Variants in INVS observed in about 807,000 individuals in gnomAD.
INVS encodes the protein inversion of embryo turning homolog.
In INVS, 86 loss-of-function variants were observed where a neutral mutation model predicts 108.8. The ratio of observed to expected loss-of-function variants is 0.79; its 90% CI spans 0.66 to 0.95. The LOEUF (loss-of-function observed/expected upper bound fraction) is 0.95, where lower values mean the gene tolerates loss of function less well. Ranked by LOEUF, INVS falls within the 40% of genes least tolerant of loss-of-function variation. The pLI is 0.00. For synonymous variants in INVS, 455 were observed against 473.5 expected (o/e 0.96, Z 0.51); for missense variants, 1,169 against 1,297.4 (o/e 0.90, Z 1.52).
intron 3 of INVS, among the ~76,000 whole-genome samples, chr9:100,222,445 G>A (rs1434343976): frequency 3.3e-5 from 5 of 152,140 alleles, no homozygotes; most frequent in African/African-American, 9.7e-5. Context: ...TTTGTAATAC[G>A]TAAAACAAAG....
At chr9:100,187,875 T>C (rs1830100264) in intron 3 of INVS, among the ~76,000 whole-genome samples, 1 of 152,164 alleles carries the variant, frequency 6.6e-6, no homozygotes, top group Admixed American at 6.6e-5. Context: ...AGATCTTTCA[T>C]CTTTCTGGTT....
intron 5 of INVS, among the ~76,000 whole-genome samples, chr9:100,232,446 G>C (rs1193467925): frequency 2.0e-5 from 3 of 152,116 alleles, no homozygotes; most frequent in Admixed American, 1.3e-4. Flanking sequence ...GTCCTGAATG[G>C]TATCGCCTAG....
intron 10 of INVS, among the ~76,000 whole-genome samples, chr9:100,254,885 G>A (rs1832364501): frequency 6.6e-6 from 1 of 152,166 alleles, no homozygotes; most frequent in African/African-American, 2.4e-5. Context: ...GCTTAGGATT[G>A]TCTTGGCAAT....
chr9:100,143,436 A>T (rs1221130198), intron 3 of INVS, among the ~76,000 whole-genome samples: 1 of 152,094 alleles, frequency 6.6e-6, no homozygotes, highest in Non-Finnish European at 1.5e-5. Flanking sequence ...GTGGGATGGG[A>T]TATTGACATT....
At chr9:100,174,372 AAGAT>A (rs1335704942) in intron 3 of INVS, among the ~76,000 whole-genome samples, 1 of 152,152 alleles carries the variant, frequency 6.6e-6, no homozygotes, top group Non-Finnish European at 1.5e-5. Flanking sequence ...AGTGAACTTA[AAGAT>A]AGATCAATAG....
intron 2 of INVS, among the ~76,000 whole-genome samples, chr9:100,125,831 G>A (rs902517583): frequency 1.8e-4 from 27 of 151,828 alleles, no homozygotes; most frequent in East Asian, 1.9e-4. Context: ...GATTACAGGC[G>A]CCCGCCACCA....
chr9:100,285,882 C>G (rs978352898), intron 13 of INVS, among the ~76,000 whole-genome samples: 28 of 152,194 alleles, frequency 1.8e-4, no homozygotes, highest in African/African-American at 6.3e-4. Flanking sequence ...TTTAAACACA[C>G]TGAGCTACTC....
chr9:100,236,830 C>T (rs1409408119), intron 5 of INVS, among the ~76,000 whole-genome samples: 2 of 152,212 alleles, frequency 1.3e-5, no homozygotes, highest in African/African-American at 4.8e-5. Context: ...TGAGGAGGCA[C>T]AGGAGTCAGG....
chr9:100,205,381 A>C (rs1363214987), intron 3 of INVS, among the ~76,000 whole-genome samples: 2 of 152,100 alleles, frequency 1.3e-5, no homozygotes, highest in African/African-American at 4.8e-5. Flanking sequence ...TTCTACTTGC[A>C]AGGCTATGGC....
chr9:100,165,947 A>G (rs565101942), intron 3 of INVS, among the ~76,000 whole-genome samples: 1 of 152,288 alleles, frequency 6.6e-6, no homozygotes, highest in African/African-American at 2.4e-5. Flanking sequence ...CACTGCTACC[A>G]GGTTGGTGAT....
Position 100,300,889 on chromosome 9 carries a change from A to G in INVS, c.*215A>G. 1.7e-6 allele frequency: 1 copy of G among 593,942 alleles called. No individual in the cohort carries two copies. The highest frequency in any genetic ancestry group is 1.9e-5 in the South Asian group (1 of 51,630). 36.8% of individuals were successfully genotyped at this position (593,942 alleles called of 1,614,324 possible). ...TGTCAATCAACACAGCCTGCACTGA[A>G]AGGACCTGCATAGACTATGTCTGTG... On this transcript the variant is annotated 3_prime_UTR_variant, in exon 17 of 17. Transcript: ENST00000262457.
At chr9:100,161,559 GA>G (rs1238673344) in intron 3 of INVS, among the ~76,000 whole-genome samples, 3 of 151,998 alleles carry the variant, frequency 2.0e-5, no homozygotes, top group Non-Finnish European at 4.4e-5. Flanking sequence ...AGTTTACAAA[GA>G]ACATAATTGG....
chr9:100,273,670 T>C (rs1418687161), intron 12 of INVS, among the ~76,000 whole-genome samples: 1 of 151,148 alleles, frequency 6.6e-6, no homozygotes, highest in Non-Finnish European at 1.5e-5. Flanking sequence ...CCCGAGTAGC[T>C]GGGACTACAG....
intron 3 of INVS, among the ~76,000 whole-genome samples, chr9:100,194,758 G>A (rs908249792): frequency 6.6e-6 from 1 of 152,148 alleles, no homozygotes; most frequent in Non-Finnish European, 1.5e-5. Flanking sequence ...AATGTAGGGG[G>A]AAGCTACTAC....
At chr9:100,187,536 T>TC (rs1830090224) in intron 3 of INVS, among the ~76,000 whole-genome samples, 1 of 144,966 alleles carries the variant, frequency 6.9e-6, no homozygotes, top group Non-Finnish European at 1.5e-5. Context: ...TTTTTTTTTT[T>TC]TTTTTTTTGA....
At chr9:100,212,811 C>A (rs1830872183) in intron 3 of INVS, among the ~76,000 whole-genome samples, 1 of 152,168 alleles carries the variant, frequency 6.6e-6, no homozygotes, top group South Asian at 2.1e-4. Flanking sequence ...CCTCCAGTGT[C>A]TTTTCTAAAA....
At chr9:100,255,407 C>G (rs11515542) in intron 10 of INVS, among the ~76,000 whole-genome samples, 26,986 of 152,026 alleles carry the variant, frequency 0.18, 2,812 homozygotes, top group African/African-American at 0.29. Flanking sequence ...ACCTTTATTT[C>G]TTTCTCCTGC....
intron 16 of INVS, among the ~76,000 whole-genome samples, chr9:100,299,949 C>G (rs1833914580): frequency 6.6e-6 from 1 of 152,160 alleles, no homozygotes; most frequent in Admixed American, 6.5e-5. Flanking sequence ...TTAAAAACTA[C>G]TAAACCTTTA....
chr9:100,286,812 A>G (rs182620419), intron 13 of INVS, among the ~76,000 whole-genome samples: 54 of 152,190 alleles, frequency 3.5e-4, no homozygotes, highest in African/African-American at 1.2e-3. Flanking sequence ...TGTTCAACCA[A>G]TATCTCCCCG....
Sources: allele counts gnomAD v4.1 joint callset (sites outside exome capture counted in the v4.1 genomes callset), GRCh38; gene constraint gnomAD v4.1.1; transcripts MANE v1.5; gene names NCBI Gene and HGNC (gene_info 2026-07-23, HGNC 2026-07-21).